The following RSPO2 variants were observed in gnomAD, a reference collection of about 807,000 sequenced individuals.
RSPO2 encodes the protein R-spondin-2.
In RSPO2, 14 loss-of-function variants were observed where a neutral mutation model predicts 30.9. That is an observed-to-expected ratio of 0.45 (90% CI 0.30 to 0.71). RSPO2 has a LOEUF of 0.71. Ranked by LOEUF, RSPO2 falls within the 30% of genes least tolerant of loss-of-function variation. RSPO2 has a pLI of 0.08. For missense variants in RSPO2, 264 were observed against 301.9 expected, an observed-to-expected ratio of 0.87 and a Z score of 0.93; for synonymous variants, 107 against 96.4, an observed-to-expected ratio of 1.11 and a Z score of -0.64.
intron 2 of RSPO2, among the ~76,000 whole-genome samples, chr8:108,012,337 G>T (rs903910234): frequency 1.8e-4 from 28 of 152,208 alleles, no homozygotes; most frequent in Admixed American, 5.9e-4. Context: ...GCAGAATCAC[G>T]GGCCTCACTC....
chr8:108,072,944 A>G (rs1338292468), intron 2 of RSPO2: 2 of 152,206 alleles, frequency 1.3e-5, no homozygotes, highest in Non-Finnish European at 2.9e-5. Flanking sequence ...TAGGGCATTC[A>G]TCTTATGTAA....
chr8:107,913,915 T>C (rs1000246745), intron 5 of RSPO2, among the ~76,000 whole-genome samples: 11 of 152,164 alleles, frequency 7.2e-5, no homozygotes, highest in African/African-American at 2.4e-4. Context: ...GTATTGCTTA[T>C]TGTCATGCTT....
intron 2 of RSPO2, among the ~76,000 whole-genome samples, chr8:108,031,250 A>T (rs1481002486): frequency 1.3e-5 from 2 of 152,218 alleles, no homozygotes. Flanking sequence ...GGTACTTAAA[A>T]GATTGCAAAG....
intron 2 of RSPO2, among the ~76,000 whole-genome samples, chr8:108,044,515 G>A (rs866388112): frequency 2.0e-5 from 3 of 152,108 alleles, no homozygotes; most frequent in African/African-American, 7.2e-5. Context: ...CTAAAGCTGC[G>A]TCCATATTCC....
intron 2 of RSPO2, among the ~76,000 whole-genome samples, chr8:108,024,197 G>T (rs941503878): frequency 6.6e-6 from 1 of 152,064 alleles, no homozygotes; most frequent in Non-Finnish European, 1.5e-5. Context: ...TTAAAAAAAA[G>T]TTGAGTTGCT....
chr8:108,065,915 G>A (rs1211866010), intron 2 of RSPO2, among the ~76,000 whole-genome samples: 2 of 152,166 alleles, frequency 1.3e-5, no homozygotes, highest in African/African-American at 4.8e-5. Flanking sequence ...GTGGGTGCCT[G>A]TAATCCCAGC....
At position 107,958,160 on chromosome 8, in the gene RSPO2, T is replaced by G; in HGVS notation, c.536A>C (p.Lys179Thr). The G allele has an allele frequency of 3.1e-6, 5 of 1,613,734 alleles. No homozygotes were observed. In the Middle Eastern group the frequency reaches 6.6e-4, roughly 213 times the overall value. Residue 179 changes from lysine to threonine, a missense_variant, in exon 5 of 6, where the codon AAG becomes ACG. Transcript: ENST00000276659. ...ACACAGTATTGTGTCTTTCACTGGC[T>G]TTTTAACAATTTGCCGTGTTCTGGT... ...LETRTRQIVK[K>T]PVKDTILCPT... is the part of the protein sequence containing the mutation.
chr8:108,007,707 T>A (rs6469153), intron 2 of RSPO2, among the ~76,000 whole-genome samples: 4 of 151,830 alleles, frequency 2.6e-5, no homozygotes, highest in Admixed American at 6.6e-5. Flanking sequence ...CCAAGAACAA[T>A]GTATTTCAAA....
At chr8:107,964,104 A>C (rs2172801) in intron 3 of RSPO2, among the ~76,000 whole-genome samples, 54,508 of 152,246 alleles carry the variant, frequency 0.36, 11,606 homozygotes, top group East Asian at 0.66. Flanking sequence ...TATGCTGACC[A>C]TCTTGGCCTC....
chr8:107,981,692 C>G (rs984580623), intron 3 of RSPO2, among the ~76,000 whole-genome samples: 33 of 152,088 alleles, frequency 2.2e-4, no homozygotes, highest in African/African-American at 6.0e-4. Context: ...GTTTTTAAAA[C>G]CTGTGTCATT....
At chr8:107,918,345 T>TA (rs753904563) in intron 5 of RSPO2, among the ~76,000 whole-genome samples, 2 of 152,188 alleles carry the variant, frequency 1.3e-5, no homozygotes, top group African/African-American at 2.4e-5. Flanking sequence ...ATAAGTGTAA[T>TA]AAAAATCTGT....
At chr8:108,019,223 G>T (rs1810985577) in intron 2 of RSPO2, among the ~76,000 whole-genome samples, 1 of 152,044 alleles carries the variant, frequency 6.6e-6, no homozygotes, top group African/African-American at 2.4e-5. Flanking sequence ...CTGTGGTGGT[G>T]CATGTCTCTA....
At chr8:107,979,861 T>C (rs1814362117) in intron 3 of RSPO2, among the ~76,000 whole-genome samples, 1 of 152,122 alleles carries the variant, frequency 6.6e-6, no homozygotes, top group Non-Finnish European at 1.5e-5. Flanking sequence ...AGCAACAGCT[T>C]CCTAATTGGT....
At chr8:108,072,097 T>C (rs1812864298) in intron 2 of RSPO2, among the ~76,000 whole-genome samples, 1 of 152,080 alleles carries the variant, frequency 6.6e-6, no homozygotes, top group Non-Finnish European at 1.5e-5. Context: ...TCTCCTATGA[T>C]TCGGTTAAAC....
intron 5 of RSPO2, among the ~76,000 whole-genome samples, chr8:107,943,019 A>G (rs1812948530): frequency 6.6e-6 from 1 of 152,254 alleles, no homozygotes; most frequent in Non-Finnish European, 1.5e-5. Context: ...GACACTCATC[A>G]AAATTCAGTC....
At chr8:108,023,630 T>C (rs1811118247) in intron 2 of RSPO2, among the ~76,000 whole-genome samples, 1 of 152,212 alleles carries the variant, frequency 6.6e-6, no homozygotes, top group Non-Finnish European at 1.5e-5. Context: ...GCAGAGCAGC[T>C]CTGCAAATAT....
chr8:108,004,962 T>C (rs1815403948), intron 2 of RSPO2, among the ~76,000 whole-genome samples: 1 of 152,214 alleles, frequency 6.6e-6, no homozygotes. Flanking sequence ...GAATCCCTTT[T>C]AAGCTAATGT....
At chr8:108,082,938 C>A in intron 1 of RSPO2, 131 bp from the exon 2 acceptor site, 1 of 359,642 alleles carries the variant, frequency 2.8e-6, no homozygotes, top group Non-Finnish European at 5.0e-6. Context: ...TAGCACGAGC[C>A]GCGGAGCGGC....
chr8:107,971,464 A>G (rs193135358), intron 3 of RSPO2, among the ~76,000 whole-genome samples: 1 of 152,210 alleles, frequency 6.6e-6, no homozygotes, highest in Admixed American at 6.5e-5. Context: ...ATGCCCTTTG[A>G]GTTTTCCATA....
Sources: gnomAD v4.1 joint callset for allele counts (sites outside exome capture counted in the v4.1 genomes callset) on GRCh38, gnomAD v4.1.1 for gene constraint, MANE v1.5 for transcripts, NCBI Gene and HGNC (gene_info 2026-07-23, HGNC 2026-07-21) for gene names.